The following PPARGC1B variants were observed in gnomAD, a reference collection of about 807,000 sequenced individuals.
PPARGC1B encodes PPARG coactivator 1 beta.
Under a neutral mutation model 101.6 loss-of-function variants are expected in PPARGC1B, and 34 were observed. That is an observed-to-expected ratio of 0.33 (90% CI 0.25 to 0.45). The LOEUF is 0.45. Among genes scored for constraint, PPARGC1B ranks in the 20% least tolerant of loss-of-function variants. The probability of loss-of-function intolerance (pLI) is 1.00; values close to 1 mark genes in which losing one functional copy is unlikely to be tolerated. For synonymous variants in PPARGC1B, 548 were observed against 539.3 expected (o/e 1.02, Z -0.22); for missense variants, 1,234 against 1,317.6 (o/e 0.94, Z 0.98).
At chr5:149,732,917 G>A in intron 1 of PPARGC1B, 2 of 415,718 alleles carry the variant, frequency 4.8e-6, no homozygotes, top group South Asian at 1.7e-5. Flanking sequence ...CCCACTCTCT[G>A]GCTGGGTGAC....
chr5:149,767,367 A>G (rs1755950404), intron 1 of PPARGC1B, among the ~76,000 whole-genome samples: 1 of 152,216 alleles, frequency 6.6e-6, no homozygotes, highest in Non-Finnish European at 1.5e-5. Context: ...TTGTTTAGAA[A>G]TGATGGCTTA....
chr5:149,782,209 G>T (rs892278158), intron 1 of PPARGC1B, among the ~76,000 whole-genome samples: 2 of 152,124 alleles, frequency 1.3e-5, no homozygotes, highest in Non-Finnish European at 2.9e-5. Context: ...TCAGCTTGGG[G>T]TTGGGTGGCC....
Position 149,832,509 on chromosome 5 carries a change from G to A in PPARGC1B, c.583-147G>A. 1.5e-6 allele frequency: 1 copy of A among 670,466 alleles called. No homozygotes were observed. Among genetic ancestry groups the A allele is most frequent in the Non-Finnish European group, 2.5e-6 (1 of 399,232 alleles). The allele number at this position is 670,466 out of a possible 1,614,324, so 41.5% of individuals were successfully genotyped here. Reference sequence around the variant, plus strand: ...AGCACAGCCAGGTGCCCGGCTCTGTGTGGGAAGCTGGGGACGGAATGAAGG... The same window carrying A: ...AGCACAGCCAGGTGCCCGGCTCTGTATGGGAAGCTGGGGACGGAATGAAGG... On this transcript the variant is annotated intron_variant, in intron 4 of 11. Transcript: ENST00000309241. The surrounding 1 kb of genome is among the most constrained non-coding windows in gnomAD (Gnocchi z 4.9).
At chr5:149,802,341 G>A (rs1002017559) in intron 1 of PPARGC1B, among the ~76,000 whole-genome samples, 13 of 152,198 alleles carry the variant, frequency 8.5e-5, no homozygotes, top group Admixed American at 8.5e-4. Context: ...AACCGGTTGT[G>A]TCTCTGGGCT....
At chr5:149,786,694 G>A (rs891724029) in intron 1 of PPARGC1B, among the ~76,000 whole-genome samples, 6 of 152,232 alleles carry the variant, frequency 3.9e-5, no homozygotes, top group African/African-American at 1.2e-4. Flanking sequence ...TGAAAGTTGA[G>A]AAGATCAAGG....
At chr5:149,766,231 T>A (rs1039901083) in intron 1 of PPARGC1B, among the ~76,000 whole-genome samples, 4 of 152,222 alleles carry the variant, frequency 2.6e-5, no homozygotes, top group Admixed American at 2.6e-4. Context: ...AATCTAAAGT[T>A]ATGTGGTTTA....
At chr5:149,749,036 G>C (rs1470632925) in intron 1 of PPARGC1B, among the ~76,000 whole-genome samples, 1 of 50,648 alleles carries the variant, frequency 2.0e-5, no homozygotes, top group Non-Finnish European at 3.7e-5. Context: ...GGGACATGCA[G>C]GGATTTGTGT....
chr5:149,837,606 C>G lies in PPARGC1B; in HGVS notation c.2618+533C>G, dbSNP rs562352354. 9.8e-5 allele frequency among the ~76,000 whole-genome samples: 15 copies of G among 152,348 alleles called. No homozygotes were observed. The highest frequency in any genetic ancestry group is 3.6e-4 in the African/African-American group (15 of 41,582). The stretch of plus-strand genomic sequence containing the variant: ...CACCAGTTGGCTGCCCCTCGAAGGG[C>G]TTTGACCTCAGTGGAGGGATGATGC... On this transcript the variant is annotated intron_variant, in intron 8 of 11. Coordinates refer to ENST00000309241, the MANE Select transcript of PPARGC1B (RefSeq NM_133263.4). This position sits in a 1 kb window ranked among gnomAD's most constrained non-coding sequence, Gnocchi z 4.2.
chr5:149,838,687 C>G (rs1357454080), intron 8 of PPARGC1B, among the ~76,000 whole-genome samples: 1 of 152,194 alleles, frequency 6.6e-6, no homozygotes, highest in Admixed American at 6.5e-5. Flanking sequence ...TCTCTAGAAA[C>G]CCCCATGGAT....
intron 1 of PPARGC1B, among the ~76,000 whole-genome samples, chr5:149,742,412 C>T (rs931214522): frequency 2.0e-5 from 3 of 152,144 alleles, no homozygotes; most frequent in Non-Finnish European, 4.4e-5. Flanking sequence ...CTTTCTGTTC[C>T]CTGCCTTCCC....
chr5:149,817,764 A>G (rs974854733), intron 1 of PPARGC1B: 18 of 456,714 alleles, frequency 3.9e-5, no homozygotes, highest in Non-Finnish European at 6.6e-5. Flanking sequence ...CATACAGCTG[A>G]TGGGAGTGTA....
chr5:149,794,553 C>T (rs1297896952), intron 1 of PPARGC1B, among the ~76,000 whole-genome samples: 1 of 91,608 alleles, frequency 1.1e-5, no homozygotes, highest in Non-Finnish European at 2.7e-5. Flanking sequence ...CACACACACA[C>T]ATTCAAGCAA....
intron 1 of PPARGC1B, among the ~76,000 whole-genome samples, chr5:149,791,138 A>C (rs1164846727): frequency 7.1e-6 from 1 of 141,798 alleles, no homozygotes; most frequent in Non-Finnish European, 1.5e-5. Flanking sequence ...AAAATATAAA[A>C]ATTTTTACAG....
chr5:149,752,561 G>A (rs1379269861), intron 1 of PPARGC1B, among the ~76,000 whole-genome samples: 2 of 152,238 alleles, frequency 1.3e-5, no homozygotes, highest in East Asian at 3.8e-4. Flanking sequence ...AGGCGTGGCG[G>A]CTCACGCCTG....
chr5:149,785,966 G>A (rs568884992), intron 1 of PPARGC1B, among the ~76,000 whole-genome samples: 4 of 149,860 alleles, frequency 2.7e-5, no homozygotes, highest in East Asian at 3.9e-4. Context: ...CTGTTGCCCA[G>A]GCTAGAGTAC....
chr5:149,837,963 T>C lies in PPARGC1B; in HGVS notation c.2618+890T>C, dbSNP rs1561626420. On this transcript the variant is annotated intron_variant, in intron 8 of 11. Transcript: ENST00000309241. The surrounding 1 kb of genome is among the most constrained non-coding windows in gnomAD (Gnocchi z 4.2). ...CACCCGGGTGTCTGATCTGTAGGTC[T>C]GGGGTGGGGCAGGGGCAGGGGCAGG... 6.6e-6 allele frequency among the ~76,000 whole-genome samples: 1 copy of C among 151,832 alleles called. No homozygotes were observed. Among genetic ancestry groups the C allele is most frequent in the Non-Finnish European group, 1.5e-5 (1 of 67,942 alleles).
At chr5:149,731,245 G>A (rs1422220287) in intron 1 of PPARGC1B, among the ~76,000 whole-genome samples, 2 of 152,194 alleles carry the variant, frequency 1.3e-5, no homozygotes, top group Non-Finnish European at 1.5e-5. Flanking sequence ...CCGGGGCGCG[G>A]GGGAGCGAGG....
chr5:149,833,176 C>T lies in PPARGC1B; in HGVS notation c.1103C>T (p.Ser368Phe), dbSNP rs773384385. ...CGTCTGGCCACGCCTGTTTATGCCTCCCTCACACCTCGGTCAAGGCCCAGG... is the reference window on the plus strand; with the variant it reads ...CGTCTGGCCACGCCTGTTTATGCCTTCCTCACACCTCGGTCAAGGCCCAGG... ...PYRLATPVYASLTPRSRPRPP... is the reference protein window; with the variant it reads ...PYRLATPVYAFLTPRSRPRPP... Residue 368 changes from serine (S) to phenylalanine (F), a missense_variant, in exon 5 of 12, where the codon TCC becomes TTC. By Grantham distance (155) the Ser-to-Phe change is radical. Around this residue, in one of 3 missense-constraint regions of PPARGC1B, gnomAD observed 734 missense variants for 768.4 expected, o/e 0.96. Transcript: ENST00000309241. This position sits in a 1 kb window ranked among gnomAD's most constrained non-coding sequence, Gnocchi z 4.1. 6 of 1,613,588 alleles carry T rather than the reference C, an allele frequency of 3.7e-6. No individual in the cohort carries two copies. In the East Asian group the frequency reaches 8.9e-5, roughly 24 times the overall value.
intron 1 of PPARGC1B, among the ~76,000 whole-genome samples, chr5:149,755,056 T>TAC (rs1247242303): frequency 3.0e-4 from 25 of 84,394 alleles, no homozygotes; most frequent in Non-Finnish European, 1.6e-4. Context: ...CATATACATA[T>TAC]ATATATATAT....
Sources: allele counts gnomAD v4.1 joint callset (sites outside exome capture counted in the v4.1 genomes callset), GRCh38; gene constraint gnomAD v4.1.1; regional missense constraint gnomAD v4.1.1; non-coding constraint Gnocchi (gnomAD v3.1); transcripts MANE v1.5; gene names NCBI Gene and HGNC (gene_info 2026-07-23, HGNC 2026-07-21).